Variants in PDE4B observed in about 807,000 individuals in gnomAD.
PDE4B encodes the protein 3',5'-cyclic-AMP phosphodiesterase 4B.
Under a neutral mutation model 82.2 loss-of-function variants are expected in PDE4B, and 20 were observed. The ratio of observed to expected loss-of-function variants is 0.24; its 90% CI spans 0.17 to 0.35. The LOEUF (loss-of-function observed/expected upper bound fraction) is 0.35, where lower values mean the gene tolerates loss of function less well. PDE4B is among the 10% of genes least tolerant of loss of function. The probability of loss-of-function intolerance (pLI) is 1.00; values close to 1 mark genes in which losing one functional copy is unlikely to be tolerated. For synonymous variants in PDE4B, 320 were observed against 318.9 expected (o/e 1.00, Z -0.04); for missense variants, 655 against 907.2 (o/e 0.72, Z 3.57).
At chr1:66,230,414 G>A (rs1253142920) in intron 3 of PDE4B, among the ~76,000 whole-genome samples, 1 of 152,186 alleles carries the variant, frequency 6.6e-6, no homozygotes, top group Non-Finnish European at 1.5e-5. Context: ...CAATGATGAT[G>A]TATTGGAGGT....
chr1:66,165,062 C>G (rs776121377), intron 3 of PDE4B, among the ~76,000 whole-genome samples: 1 of 152,014 alleles, frequency 6.6e-6, no homozygotes, highest in Non-Finnish European at 1.5e-5. Context: ...CGCCTGGCCA[C>G]TTAATTTCTA....
At chr1:65,825,112 G>C (rs1645999106) in intron 1 of PDE4B, among the ~76,000 whole-genome samples, 1 of 152,172 alleles carries the variant, frequency 6.6e-6, no homozygotes, top group Non-Finnish European at 1.5e-5. Flanking sequence ...TGAAAAGCCA[G>C]ATACATACAT....
chr1:66,057,539 C>T (rs1384821464), intron 3 of PDE4B, among the ~76,000 whole-genome samples: 2 of 152,092 alleles, frequency 1.3e-5, no homozygotes, highest in East Asian at 3.9e-4. Context: ...TGGGCAATTA[C>T]AAAAGAAAGA....
At chr1:66,139,921 C>T (rs1294397742) in intron 3 of PDE4B, among the ~76,000 whole-genome samples, 2 of 152,046 alleles carry the variant, frequency 1.3e-5, no homozygotes, top group Non-Finnish European at 2.9e-5. Flanking sequence ...CATTCTTTAC[C>T]TATATGAGGT....
intron 3 of PDE4B, among the ~76,000 whole-genome samples, chr1:66,072,383 A>ACCCATGTTGCTAACATTTTCC (rs2100930878): frequency 6.6e-6 from 1 of 152,124 alleles, no homozygotes; most frequent in African/African-American, 2.4e-5. Flanking sequence ...AACATTTTTC[A>ACCCATGTTGCTAACATTTTCC]CCCATGTTGC....
At chr1:65,860,740 T>C (rs938778475) in intron 1 of PDE4B, among the ~76,000 whole-genome samples, 2 of 152,238 alleles carry the variant, frequency 1.3e-5, no homozygotes, top group African/African-American at 4.8e-5. Context: ...ATCACTATTG[T>C]AACTGTCATG....
intron 3 of PDE4B, among the ~76,000 whole-genome samples, chr1:66,158,293 A>G (rs1362526022): frequency 4.6e-5 from 7 of 152,222 alleles, no homozygotes; most frequent in Non-Finnish European, 8.8e-5. Context: ...GAGAAAAGGT[A>G]ACTTGCAAAC....
Position 66,247,477 on chromosome 1 carries a change from G to T in PDE4B, c.299G>T (p.Gly100Val). Reference protein sequence around the residue: ...VSQECFDVENGPSPGRSPLDP... With the variant: ...VSQECFDVENVPSPGRSPLDP... ...TCTTTAAGCTTTGATGTGGAAAATG[G>T]CCCTTCCCCAGGTCGGAGTCCACTG... Residue 100 changes from glycine to valine, a missense_variant, in exon 4 of 17, where the codon GGC becomes GTC. Gly to Val is a moderately radical substitution (Grantham distance 109, BLOSUM62 -3). Around this residue, in one of 3 missense-constraint regions of PDE4B, gnomAD observed 253 missense variants for 275.6 expected, o/e 0.92. Coordinates refer to ENST00000341517, the MANE Select transcript of PDE4B (RefSeq NM_002600.4). The T allele has an allele frequency of 6.3e-7, 1 of 1,576,304 alleles. No individual in the cohort carries two copies. The highest frequency in any genetic ancestry group is 1.2e-5 in the South Asian group (1 of 85,536).
intron 3 of PDE4B, among the ~76,000 whole-genome samples, chr1:65,937,276 G>A (rs775827580): frequency 5.3e-5 from 8 of 152,142 alleles, no homozygotes; most frequent in Admixed American, 3.9e-4. Context: ...GAGTGGTGGC[G>A]ATTTCCCTGC....
chr1:65,901,019 CT>C (rs760985031), intron 1 of PDE4B, among the ~76,000 whole-genome samples: 7 of 152,050 alleles, frequency 4.6e-5, no homozygotes, highest in Non-Finnish European at 8.8e-5. Flanking sequence ...AGTGGGAATC[CT>C]TGTCTTGCTT....
chr1:66,347,764 G>A (rs1398446572), intron 8 of PDE4B, among the ~76,000 whole-genome samples: 1 of 152,048 alleles, frequency 6.6e-6, no homozygotes, highest in Non-Finnish European at 1.5e-5. Flanking sequence ...ATTTTTAAGG[G>A]GTAGAGTAAT....
intron 3 of PDE4B, among the ~76,000 whole-genome samples, chr1:66,244,320 T>C (rs1248264135): frequency 1.3e-5 from 2 of 152,218 alleles, no homozygotes; most frequent in East Asian, 3.8e-4. Context: ...TATATAATAT[T>C]CTTATATTTC....
chr1:66,070,552 AT>A, intron 3 of PDE4B, among the ~76,000 whole-genome samples: 1 of 152,088 alleles, frequency 6.6e-6, no homozygotes, highest in East Asian at 1.9e-4. Context: ...GAAATTTTAC[AT>A]TTTTGGCTCA....
intron 1 of PDE4B, among the ~76,000 whole-genome samples, chr1:65,863,603 G>A (rs765434001): frequency 1.3e-5 from 2 of 152,122 alleles, no homozygotes; most frequent in Admixed American, 6.5e-5. Context: ...TGACAGTGGG[G>A]TGTTAAAGTC....
chr1:65,971,010 C>A (rs909456861), intron 3 of PDE4B, among the ~76,000 whole-genome samples: 1 of 149,700 alleles, frequency 6.7e-6, no homozygotes, highest in East Asian at 2.0e-4. Context: ...TCTGGAGAGG[C>A]ATTAACTAAA....
chr1:66,199,820 C>G (rs1020662162), intron 3 of PDE4B, among the ~76,000 whole-genome samples: 2 of 152,118 alleles, frequency 1.3e-5, no homozygotes, highest in African/African-American at 2.4e-5. Flanking sequence ...ATGGTAGTTT[C>G]TTTTGCTGTG....
At chr1:65,993,866 C>T (rs1557483227) in intron 3 of PDE4B, among the ~76,000 whole-genome samples, 1 of 152,052 alleles carries the variant, frequency 6.6e-6, no homozygotes, top group Non-Finnish European at 1.5e-5. Context: ...CTTTAATATA[C>T]ATGTTTACAA....
At chr1:65,832,223 A>G (rs1033623503) in intron 1 of PDE4B, among the ~76,000 whole-genome samples, 2 of 152,234 alleles carry the variant, frequency 1.3e-5, no homozygotes, top group Non-Finnish European at 2.9e-5. Flanking sequence ...TTGGAAGCAT[A>G]TAGGAACACA....
intron 1 of PDE4B, among the ~76,000 whole-genome samples, chr1:65,834,103 G>A (rs1402323435): frequency 6.6e-6 from 1 of 152,108 alleles, no homozygotes; most frequent in South Asian, 2.1e-4. Context: ...GAAGTGCAGT[G>A]GTATAATCTC....
Sources: gnomAD v4.1 joint callset for allele counts (sites outside exome capture counted in the v4.1 genomes callset) on GRCh38, gnomAD v4.1.1 for gene constraint, gnomAD v4.1.1 regional missense constraint, MANE v1.5 for transcripts, NCBI Gene and HGNC (gene_info 2026-07-23, HGNC 2026-07-21) for gene names.